Variants in CRACD observed in about 807,000 individuals in gnomAD.
CRACD encodes the protein capping protein-inhibiting regulator of actin dynamics.
CRACD carries 56 observed loss-of-function variants against 106.8 expected under a neutral mutation model. The ratio of observed to expected loss-of-function variants is 0.52; its 90% CI spans 0.42 to 0.66. CRACD has a LOEUF of 0.66. Ranked by LOEUF, CRACD falls within the 30% of genes least tolerant of loss-of-function variation. The pLI is 0.00. For missense variants in CRACD, 1,730 were observed against 1,623.2 expected (o/e 1.07, Z -1.13); for synonymous variants, 754 against 670.8 (o/e 1.12, Z -1.92).
At chr4:56,249,195 T>G (rs1740895991) in intron 2 of CRACD, among the ~76,000 whole-genome samples, 1 of 149,716 alleles carries the variant, frequency 6.7e-6, no homozygotes, top group South Asian at 2.2e-4. Flanking sequence ...CCACCAACAG[T>G]GTAAAAGTGT....
chr4:56,261,489 T>G (rs1194678272), intron 2 of CRACD, among the ~76,000 whole-genome samples: 1 of 151,918 alleles, frequency 6.6e-6, no homozygotes, highest in Non-Finnish European at 1.5e-5. Flanking sequence ...TAGCTTGGAT[T>G]ACAGGTGCCC....
rs201005086 is a variant in CRACD at position 56,324,158 on chromosome 4, C to G, written c.3433C>G (p.His1145Asp). 108 of 1,614,148 alleles carry G rather than the reference C, an allele frequency of 6.7e-5. 1 individual carries two copies. The Middle Eastern group carries it at 8.2e-4, about 12-fold the overall frequency. The change falls in exon 10 of 11, where the codon CAC (histidine) becomes GAC (aspartate). Residue 1145 changes from histidine (H) to aspartate (D), a missense_variant. His to Asp is a moderately conservative substitution (Grantham distance 81). Around this residue, in one of 5 missense-constraint regions of CRACD, gnomAD observed 89 missense variants for 89.6 expected, o/e 0.99. Coordinates refer to ENST00000682029, the MANE Select transcript of CRACD (RefSeq NM_001393381.1). ...SSSVSRAGSL[H>D]KSTALPEEKR... The stretch of plus-strand genomic sequence containing the variant: ...CAGTGTCAGCAGAGCAGGTTCCCTG[C>G]ACAAGTCCACTGCTCTGCCAGAAGA...
chr4:56,057,799 ATTTTTTTTTTTTTTG>A lies in CRACD; in HGVS notation c.-336+8515_-336+8529del, dbSNP rs1732130700. On this transcript the variant is annotated intron_variant, in intron 1 of 10. Coordinates refer to ENST00000682029, the MANE Select transcript of CRACD (RefSeq NM_001393381.1). ...CCACCACACCTGGCTCATTTTTTGT[ATTTTTTTTTTTTTTG>A]TTTTTTTTTTTTTTTTTTTTTTGAG... is the stretch of plus-strand genomic sequence containing the variant. 6.9e-5 allele frequency among the ~76,000 whole-genome samples: 3 copies of A among 43,482 alleles called. 1 individual carries two copies. Among genetic ancestry groups the A allele is most frequent in the Admixed American group, 2.1e-4 (1 of 4,870 alleles). The allele number at this position is 43,482 out of a possible 152,430, so 28.5% of individuals were successfully genotyped here.
chr4:56,168,375 A>G (rs1017916572), intron 1 of CRACD, among the ~76,000 whole-genome samples: 3 of 152,068 alleles, frequency 2.0e-5, no homozygotes, highest in African/African-American at 7.2e-5. Context: ...CCGACCTTGC[A>G]TTCCTGGGAT....
intron 1 of CRACD, among the ~76,000 whole-genome samples, chr4:56,070,760 G>GC (rs1449234577): frequency 6.6e-6 from 1 of 151,634 alleles, no homozygotes; most frequent in Non-Finnish European, 1.5e-5. Flanking sequence ...TTAGCTTCCA[G>GC]CCCCCCTGCC....
In CRACD at chr4:56,314,662, A is replaced by G; in HGVS notation, c.1160A>G (p.Glu387Gly). 1 of 1,548,000 alleles carries G rather than the reference A, an allele frequency of 6.5e-7. No homozygotes were observed. The highest frequency in any genetic ancestry group is 8.7e-7 in the Non-Finnish European group (1 of 1,145,686). The stretch of plus-strand genomic sequence containing the variant: ...GTGCAGGGGCCGCCCGAGGCGTTGG[A>G]GGAGACTGGGGAGGGCCGGCGGGGC... ...AEVQGPPEAL[E>G]ETGEGRRGAE... is the part of the protein sequence containing the mutation. Residue 387 changes from glutamate (E) to glycine (G), a missense_variant, in exon 8 of 11, where the codon GAG becomes GGG. Around this residue, in one of 5 missense-constraint regions of CRACD, gnomAD observed 1,620 missense variants for 1,481.6 expected, o/e 1.09. Coordinates refer to ENST00000682029, the MANE Select transcript of CRACD (RefSeq NM_001393381.1). This position sits in a 1 kb window ranked among gnomAD's most constrained non-coding sequence, Gnocchi z 4.4.
intron 3 of CRACD, among the ~76,000 whole-genome samples, chr4:56,278,613 A>G (rs1414107710): frequency 6.6e-6 from 1 of 152,236 alleles, no homozygotes; most frequent in Non-Finnish European, 1.5e-5. Context: ...AGGTACCAAA[A>G]GCACAAGTGA....
intron 2 of CRACD, among the ~76,000 whole-genome samples, chr4:56,219,853 G>A (rs1738931243): frequency 6.6e-6 from 1 of 152,184 alleles, no homozygotes; most frequent in African/African-American, 2.4e-5. Context: ...GCTTAAATGT[G>A]TGTGTTTAGT....
intron 2 of CRACD, among the ~76,000 whole-genome samples, chr4:56,232,235 A>G (rs779137836): frequency 3.3e-5 from 5 of 152,062 alleles, no homozygotes; most frequent in Non-Finnish European, 7.4e-5. Flanking sequence ...TCTCTTTTTT[A>G]TCTGCCTTTT....
chr4:56,215,157 A>G (rs1021275922), intron 2 of CRACD, among the ~76,000 whole-genome samples: 17 of 152,262 alleles, frequency 1.1e-4, no homozygotes, highest in African/African-American at 3.6e-4. Context: ...CCACAAGCAC[A>G]TACCACCACA....
In CRACD at chr4:56,315,886, T is replaced by A. The variant is rs1482203004; in HGVS notation, c.2384T>A (p.Leu795His). 2 of 1,613,872 alleles carry A rather than the reference T, an allele frequency of 1.2e-6. No homozygotes were observed. Among genetic ancestry groups the A allele is most frequent in the Non-Finnish European group, 1.7e-6 (2 of 1,180,012 alleles). Residue 795 changes from leucine to histidine, a missense_variant, in exon 8 of 11, where the codon CTC becomes CAC. By Grantham distance (99) the Leu-to-His change is moderately conservative. Around this residue, in one of 5 missense-constraint regions of CRACD, gnomAD observed 1,620 missense variants for 1,481.6 expected, o/e 1.09. Coordinates refer to ENST00000682029, the MANE Select transcript of CRACD (RefSeq NM_001393381.1). The surrounding 1 kb of genome is among the most constrained non-coding windows in gnomAD (Gnocchi z 4.1). ...GAGGGATGCAAATTTGCCAAAGACC[T>A]CCCGTCTTTCCTTGTCCCAAGCCTT... The part of the protein sequence containing the change: ...TTEGCKFAKD[L>H]PSFLVPSLPY...
chr4:56,124,745 G>A (rs1007345963), intron 1 of CRACD, among the ~76,000 whole-genome samples: 1 of 151,840 alleles, frequency 6.6e-6, no homozygotes, highest in African/African-American at 2.4e-5. Flanking sequence ...ATGGTTATTT[G>A]TCCTGTAGAA....
chr4:56,056,599 A>C (rs866175512), intron 1 of CRACD, among the ~76,000 whole-genome samples: 2 of 101,848 alleles, frequency 2.0e-5, no homozygotes, highest in African/African-American at 4.1e-5. Context: ...AAAAAAAACC[A>C]AAAAAAAAAC....
chr4:56,161,161 G>A (rs1735936929), intron 1 of CRACD, among the ~76,000 whole-genome samples: 1 of 152,076 alleles, frequency 6.6e-6, no homozygotes, highest in African/African-American at 2.4e-5. Flanking sequence ...GGATTTGTAG[G>A]GGTAACTCAG....
intron 1 of CRACD, among the ~76,000 whole-genome samples, chr4:56,070,212 T>G (rs1288893081): frequency 5.9e-5 from 9 of 151,946 alleles, no homozygotes; most frequent in African/African-American, 2.2e-4. Flanking sequence ...GCTCCGTCCC[T>G]CTCCTCTCCT....
intron 1 of CRACD, among the ~76,000 whole-genome samples, chr4:56,165,159 A>G (rs370790706): frequency 2.6e-5 from 4 of 152,262 alleles, no homozygotes; most frequent in African/African-American, 9.6e-5. Context: ...TTTACCTCCA[A>G]CTGCCTGGGA....
chr4:56,274,297 C>G (rs1742540438), intron 3 of CRACD, among the ~76,000 whole-genome samples: 1 of 152,142 alleles, frequency 6.6e-6, no homozygotes, highest in Non-Finnish European at 1.5e-5. Context: ...GGATGAGGAA[C>G]AGATAGTAAA....
At chr4:56,078,884 A>C (rs975300230) in intron 1 of CRACD, among the ~76,000 whole-genome samples, 7 of 152,170 alleles carry the variant, frequency 4.6e-5, no homozygotes, top group Admixed American at 2.0e-4. Flanking sequence ...CCTGGAGGCA[A>C]GTAGTGGAGT....
At chr4:56,195,632 A>G (rs1437770540) in intron 2 of CRACD, among the ~76,000 whole-genome samples, 1 of 152,242 alleles carries the variant, frequency 6.6e-6, no homozygotes. Flanking sequence ...TTGACTTTAT[A>G]TAAATGTAAA....
Sources: allele counts gnomAD v4.1 joint callset (sites outside exome capture counted in the v4.1 genomes callset), GRCh38; gene constraint gnomAD v4.1.1; regional missense constraint gnomAD v4.1.1; non-coding constraint Gnocchi (gnomAD v3.1); transcripts MANE v1.5; gene names NCBI Gene and HGNC (gene_info 2026-07-23, HGNC 2026-07-21).